Variants in XPO5 observed in about 807,000 individuals in gnomAD.
XPO5 encodes the protein exportin 5.
XPO5 carries 46 observed loss-of-function variants against 160.6 expected under a neutral mutation model. The ratio of observed to expected loss-of-function variants is 0.29; its 90% CI spans 0.23 to 0.37. The LOEUF is 0.37. XPO5 is among the 10% of genes least tolerant of loss of function. The pLI is 1.00. For synonymous variants in XPO5, 537 were observed against 519.3 expected, an observed-to-expected ratio of 1.03 and a Z score of -0.46; for missense variants, 1,090 against 1,463.9, an observed-to-expected ratio of 0.74 and a Z score of 4.17.
intron 3 of XPO5, 116 bp downstream of exon 3, chr6:43,572,390 C>A: frequency 2.0e-6 from 2 of 1,000,562 alleles, no homozygotes; most frequent in South Asian, 2.8e-5. Context: ...ATTATGATTT[C>A]TTGTGCTGTC....
At chr6:43,553,051 T>C (rs1795326753) in intron 14 of XPO5, among the ~76,000 whole-genome samples, 1 of 149,214 alleles carries the variant, frequency 6.7e-6, no homozygotes, top group Non-Finnish European at 1.5e-5. Flanking sequence ...TAGTGGGTCA[T>C]GCCCGCAATC....
chr6:43,567,488 G>A (rs1762755661), intron 6 of XPO5, 134 bp from the exon 7 acceptor site: 1 of 732,260 alleles, frequency 1.4e-6, no homozygotes, highest in Non-Finnish European at 2.1e-6. Flanking sequence ...ACAGTCACAG[G>A]TAGGGAACAC....
chr6:43,563,587 A>G (rs552977609), intron 8 of XPO5, among the ~76,000 whole-genome samples: 1 of 152,310 alleles, frequency 6.6e-6, no homozygotes, highest in Admixed American at 6.5e-5. Context: ...ACACAAACTT[A>G]CACAACAGGA....
intron 20 of XPO5, among the ~76,000 whole-genome samples, chr6:43,540,921 A>T (rs1174927257): frequency 8.0e-6 from 1 of 124,338 alleles, no homozygotes; most frequent in Non-Finnish European, 1.6e-5. Context: ...ATTCAGCCAT[A>T]AAAAAAAAAA....
At chr6:43,536,750 ACT>A (rs1469259465) in intron 20 of XPO5, among the ~76,000 whole-genome samples, 1 of 111,552 alleles carries the variant, frequency 9.0e-6, no homozygotes, top group Non-Finnish European at 1.7e-5. Context: ...ACAGAGTGAG[ACT>A]CTATCTAAAA....
At chr6:43,553,103 C>T (rs1795329744) in intron 14 of XPO5, among the ~76,000 whole-genome samples, 1 of 152,106 alleles carries the variant, frequency 6.6e-6, no homozygotes, top group Non-Finnish European at 1.5e-5. Context: ...CGCTTGAGGC[C>T]AGGAGTTTGA....
At chr6:43,562,639 C>T (rs770438197) in intron 8 of XPO5, among the ~76,000 whole-genome samples, 1 of 152,052 alleles carries the variant, frequency 6.6e-6, no homozygotes, top group African/African-American at 2.4e-5. Context: ...AAGGCAAGGA[C>T]CTTGGGGTAA....
At chr6:43,535,895 G>A (rs140310280) in intron 20 of XPO5, among the ~76,000 whole-genome samples, 88 of 151,742 alleles carry the variant, frequency 5.8e-4, no homozygotes, top group Non-Finnish European at 1.0e-3. Context: ...GGCCAAGGCC[G>A]GAGAATCACC....
chr6:43,569,084 G>A (rs1194068513), intron 5 of XPO5, among the ~76,000 whole-genome samples: 1 of 152,072 alleles, frequency 6.6e-6, no homozygotes, highest in Non-Finnish European at 1.5e-5. Flanking sequence ...CCTGAGGTCA[G>A]GAGTTTGAGA....
rs1234304713 is a variant in XPO5, at chr6:43,551,294, A to T, written c.1728+4T>A. Reference sequence around the variant, plus strand: ...AAAATTTACAAAGGAGATGGGCTTTATACCTTAGAGAAGACCTGGGGCAGG... The same window carrying T: ...AAAATTTACAAAGGAGATGGGCTTTTTACCTTAGAGAAGACCTGGGGCAGG... On this transcript the variant is annotated splice_donor_region_variant and intron_variant, in intron 15 of 31. Coordinates refer to ENST00000265351, the MANE Select transcript of XPO5 (RefSeq NM_020750.3). 6.3e-7 allele frequency: 1 copy of T among 1,597,324 alleles called. No homozygotes were observed. The highest frequency in any genetic ancestry group is 8.5e-7 in the Non-Finnish European group (1 of 1,174,868).
Position 43,524,495 on chromosome 6 carries a change from T to C in XPO5, c.3453A>G (p.Lys1151=). ...VADKRRKDQF[K]RLIAGCIGKP... ...CCCCAATGCAACCAGCAATGAGGCGTTTGAATTGGTCCTTTCGGCGCTTGT... is the reference window on the plus strand; with the variant it reads ...CCCCAATGCAACCAGCAATGAGGCGCTTGAATTGGTCCTTTCGGCGCTTGT... The change falls in exon 31 of 32, where the codon AAA becomes AAG. Residue 1151 remains lysine (K), a synonymous_variant. Transcript: ENST00000265351. 1 of 1,613,650 alleles carries C rather than the reference T, an allele frequency of 6.2e-7. No individual in the cohort carries two copies. Among genetic ancestry groups the C allele is most frequent in the Non-Finnish European group, 8.5e-7 (1 of 1,179,842 alleles).
intron 20 of XPO5, among the ~76,000 whole-genome samples, chr6:43,535,483 G>T (rs962576389): frequency 6.6e-6 from 1 of 152,060 alleles, no homozygotes; most frequent in Non-Finnish European, 1.5e-5. Flanking sequence ...GTAGCTACAG[G>T]TTTAAGATGC....
rs767823878 is a variant in XPO5 at position 43,551,423 on chromosome 6, A to G, written c.1603T>C (p.Leu535=). ...EIPVNDGIEL[L]QMVLNFDTKD... is the part of the protein sequence containing the mutation. The stretch of plus-strand genomic sequence containing the variant: ...GTATCAAAGTTCAGAACCATCTGCA[A>G]TAGCTCTATTCCATCATTAACAGGA... Residue 535 remains leucine (L), a synonymous_variant, in exon 15 of 32, where the codon TTG becomes CTG. Coordinates refer to ENST00000265351, the MANE Select transcript of XPO5 (RefSeq NM_020750.3). The G allele has an allele frequency of 6.2e-7, 1 of 1,613,854 alleles. No individual in the cohort carries two copies. Among genetic ancestry groups the G allele is most frequent in the Non-Finnish European group, 8.5e-7 (1 of 1,179,870 alleles).
intron 13 of XPO5, 103 bp downstream of exon 13, chr6:43,555,727 TAGTATA>T (rs755161749): frequency 1.9e-4 from 250 of 1,298,740 alleles, no homozygotes; most frequent in African/African-American, 1.4e-3. Context: ...TATTTTTGAA[TAGTATA>T]AGTATATCGT....
Position 43,565,846 on chromosome 6 carries a change from C to G in XPO5, c.835-110G>C, listed in dbSNP as rs527423383. ...TGACTTCATAATTTCTTATATACCCCAGGGTTTAGTGAAACACTAGAAAGA... is the reference window on the plus strand; with the variant it reads ...TGACTTCATAATTTCTTATATACCCGAGGGTTTAGTGAAACACTAGAAAGA... On this transcript the variant is annotated intron_variant, in intron 7 of 31. Transcript: ENST00000265351. 2.2e-5 allele frequency: 18 copies of G among 808,616 alleles called. 1 individual carries two copies. In the South Asian group the frequency reaches 3.4e-4, roughly 15 times the overall value. The allele number at this position is 808,616 out of a possible 1,614,324, so 50.1% of individuals were successfully genotyped here.
At chr6:43,547,186 G>C (rs1376685344) in intron 19 of XPO5, 1 of 346,428 alleles carries the variant, frequency 2.9e-6, no homozygotes, top group Non-Finnish European at 5.5e-6. Flanking sequence ...TTAATTAATG[G>C]GACTTGTGCC....
Position 43,524,978 on chromosome 6 carries a change from C to T in XPO5, c.3175-10G>A. The T allele has an allele frequency of 6.2e-7, 1 of 1,612,258 alleles. No individual in the cohort carries two copies. The highest frequency in any genetic ancestry group is 8.5e-7 in the Non-Finnish European group (1 of 1,179,452). On this transcript the variant is annotated splice_polypyrimidine_tract_variant and intron_variant, in intron 29 of 31. Coordinates refer to ENST00000265351, the MANE Select transcript of XPO5 (RefSeq NM_020750.3). The stretch of plus-strand genomic sequence containing the variant: ...GTGTCCCTGACAGCACCTGGGGAGA[C>T]AACTGTGCTTTAGGGCCACAGGGGG...
At chr6:43,555,732 T>C (rs751921356) in intron 13 of XPO5, 104 bp downstream of exon 13, 90 of 1,423,436 alleles carry the variant, frequency 6.3e-5, no homozygotes, top group Non-Finnish European at 7.7e-5. Context: ...TTGAATAGTA[T>C]AAGTATATCG....
intron 20 of XPO5, among the ~76,000 whole-genome samples, chr6:43,540,340 G>A (rs1335787902): frequency 6.6e-6 from 1 of 152,086 alleles, no homozygotes; most frequent in African/African-American, 2.4e-5. Flanking sequence ...TTAGCCAGGC[G>A]AGGTGGCGGG....
Sources: allele counts gnomAD v4.1 joint callset (sites outside exome capture counted in the v4.1 genomes callset), GRCh38; gene constraint gnomAD v4.1.1; transcripts MANE v1.5; gene names NCBI Gene and HGNC (gene_info 2026-07-23, HGNC 2026-07-21).